Variants in EPHB2 observed in about 807,000 individuals in gnomAD.
EPHB2 encodes the protein EPH receptor B2.
In EPHB2, 18 loss-of-function variants were observed where a neutral mutation model predicts 96.4. The ratio of observed to expected loss-of-function variants is 0.19; its 90% CI spans 0.13 to 0.28. EPHB2 has a LOEUF of 0.28. EPHB2 is among the 10% of genes least tolerant of loss of function. The probability of loss-of-function intolerance (pLI) is 1.00; values close to 1 mark genes in which losing one functional copy is unlikely to be tolerated. For missense variants in EPHB2, 989 were observed against 1,355.4 expected, an observed-to-expected ratio of 0.73 and a Z score of 4.25; for synonymous variants, 506 against 534.1, an observed-to-expected ratio of 0.95 and a Z score of 0.72.
chr1:22,876,534 C>T (rs1443265053), intron 5 of EPHB2, among the ~76,000 whole-genome samples: 2 of 152,184 alleles, frequency 1.3e-5, no homozygotes, highest in Admixed American at 6.5e-5. Flanking sequence ...CAGGCCCCGC[C>T]TGGCCGGCCT....
At chr1:22,881,756 G>C (rs1639053205) in intron 5 of EPHB2, among the ~76,000 whole-genome samples, 1 of 152,084 alleles carries the variant, frequency 6.6e-6, no homozygotes, top group Non-Finnish European at 1.5e-5. Flanking sequence ...ACCATGCCTG[G>C]CTAATTTTGT....
chr1:22,739,112 T>A (rs1285982961), intron 1 of EPHB2, among the ~76,000 whole-genome samples: 1 of 152,238 alleles, frequency 6.6e-6, no homozygotes, highest in Admixed American at 6.5e-5. Context: ...CAATCATAGC[T>A]CACTGCAGCC....
chr1:22,856,950 A>G (rs1645708938), intron 3 of EPHB2, among the ~76,000 whole-genome samples: 1 of 152,194 alleles, frequency 6.6e-6, no homozygotes, highest in African/African-American at 2.4e-5. Flanking sequence ...CCAACCAGGG[A>G]GATAGACCTG....
intron 3 of EPHB2, among the ~76,000 whole-genome samples, chr1:22,844,189 T>C (rs1645508518): frequency 6.6e-6 from 1 of 152,252 alleles, no homozygotes; most frequent in East Asian, 1.9e-4. Flanking sequence ...GGTCAAATGG[T>C]ACATCTGTTT....
intron 3 of EPHB2, among the ~76,000 whole-genome samples, chr1:22,857,710 A>T (rs1387883532): frequency 6.6e-6 from 1 of 152,124 alleles, no homozygotes; most frequent in East Asian, 1.9e-4. Context: ...CAAGATCGGG[A>T]TGACTCTGGT....
chr1:22,713,765 T>C (rs965063282), intron 1 of EPHB2, among the ~76,000 whole-genome samples: 8 of 152,222 alleles, frequency 5.3e-5, no homozygotes, highest in Non-Finnish European at 8.8e-5. Flanking sequence ...CGTAAAGGGC[T>C]GTCCTGCCGG....
intron 1 of EPHB2, among the ~76,000 whole-genome samples, chr1:22,744,230 C>T (rs1182330183): frequency 6.6e-6 from 1 of 151,956 alleles, no homozygotes; most frequent in East Asian, 1.9e-4. Flanking sequence ...GAGCACACGC[C>T]TACCTCGTAG....
At chr1:22,774,095 G>C (rs1644415055) in intron 1 of EPHB2, among the ~76,000 whole-genome samples, 1 of 152,086 alleles carries the variant, frequency 6.6e-6, no homozygotes, top group Admixed American at 6.5e-5. Flanking sequence ...CTTTGATTCT[G>C]CTGGGCCCTG....
At chr1:22,837,218 A>T (rs1394317170) in intron 3 of EPHB2, among the ~76,000 whole-genome samples, 1 of 152,214 alleles carries the variant, frequency 6.6e-6, no homozygotes, top group African/African-American at 2.4e-5. Flanking sequence ...AAAGCAGCTC[A>T]GGCCTGAAGG....
intron 3 of EPHB2, among the ~76,000 whole-genome samples, chr1:22,849,039 G>A (rs1371284751): frequency 2.6e-5 from 4 of 152,160 alleles, no homozygotes; most frequent in African/African-American, 7.2e-5. Context: ...CAAGCAGGAC[G>A]TCCCTCCCAG....
chr1:22,741,346 C>A (rs965788239), intron 1 of EPHB2, among the ~76,000 whole-genome samples: 1 of 152,002 alleles, frequency 6.6e-6, no homozygotes, highest in South Asian at 2.1e-4. Context: ...CTTAAAACCG[C>A]GTTCCTGGAG....
chr1:22,760,866 T>A (rs1364212182), intron 1 of EPHB2, among the ~76,000 whole-genome samples: 1 of 152,150 alleles, frequency 6.6e-6, no homozygotes, highest in Non-Finnish European at 1.5e-5. Flanking sequence ...CTGTTCGGCC[T>A]TTTTCTTTCA....
intron 3 of EPHB2, among the ~76,000 whole-genome samples, chr1:22,838,880 G>A (rs370980092): frequency 7.3e-4 from 111 of 152,166 alleles, no homozygotes; most frequent in African/African-American, 2.4e-3. Context: ...GCAGTGAGCC[G>A]AGATGGCACC....
chr1:22,757,026 T>G (rs1285272665), intron 1 of EPHB2, among the ~76,000 whole-genome samples: 1 of 152,188 alleles, frequency 6.6e-6, no homozygotes, highest in Non-Finnish European at 1.5e-5. Flanking sequence ...AGCTTTGACT[T>G]TCACTTTATA....
intron 3 of EPHB2, among the ~76,000 whole-genome samples, chr1:22,819,816 A>AT (rs5773023): frequency 0.23 from 34,637 of 148,522 alleles, 4,375 homozygotes; most frequent in East Asian, 0.54. Context: ...CAAATTGATG[A>AT]TTTTTTTTTT....
chr1:22,892,744 A>C, intron 6 of EPHB2, 140 bp from the exon 7 acceptor site: 1 of 1,070,448 alleles, frequency 9.3e-7, no homozygotes, highest in Admixed American at 1.7e-5. Context: ...AATTCTATTA[A>C]AGGGAGGGGA....
intron 3 of EPHB2, among the ~76,000 whole-genome samples, chr1:22,845,283 C>T (rs1178389718): frequency 6.6e-6 from 1 of 152,202 alleles, no homozygotes; most frequent in African/African-American, 2.4e-5. Flanking sequence ...CCATATAACG[C>T]ACTTAAAACA....
rs1462551826 is a variant in EPHB2 at position 22,860,429 on chromosome 1, C to A, written c.812-2608C>A. Among the ~76,000 whole-genome samples, 1 of 151,928 alleles carries A rather than the reference C, an allele frequency of 6.6e-6. No homozygotes were observed. The highest frequency in any genetic ancestry group is 1.5e-5 in the Non-Finnish European group (1 of 67,972). Reference sequence around the variant, plus strand: ...CATAGATACAGAAATGATACAGTGCCCGGTGGTGGGGGTCGAACCTGGCCA... The same window carrying A: ...CATAGATACAGAAATGATACAGTGCACGGTGGTGGGGGTCGAACCTGGCCA... On this transcript the variant is annotated intron_variant, in intron 3 of 15. Transcript: ENST00000374630. The surrounding 1 kb of genome is among the most constrained non-coding windows in gnomAD (Gnocchi z 4.6).
chr1:22,725,187 T>A (rs113630476), intron 1 of EPHB2, among the ~76,000 whole-genome samples: 1 of 152,200 alleles, frequency 6.6e-6, no homozygotes, highest in African/African-American at 2.4e-5. Context: ...GACGGTTGGA[T>A]GAGCAGCTCA....
Sources: allele counts gnomAD v4.1 joint callset (sites outside exome capture counted in the v4.1 genomes callset), GRCh38; gene constraint gnomAD v4.1.1; non-coding constraint Gnocchi (gnomAD v3.1); transcripts MANE v1.5; gene names NCBI Gene and HGNC (gene_info 2026-07-23, HGNC 2026-07-21).